The following PCDHGA1 variants were observed in gnomAD, a reference collection of about 807,000 sequenced individuals.
The protein encoded by PCDHGA1 is protocadherin gamma-A1.
PCDHGA1 carries 32 observed loss-of-function variants against 58.0 expected under a neutral mutation model. The ratio of observed to expected loss-of-function variants is 0.55; its 90% CI spans 0.42 to 0.74. PCDHGA1 has a LOEUF of 0.74. Ranked by LOEUF, PCDHGA1 falls within the 30% of genes least tolerant of loss-of-function variation. The pLI is 0.00. For synonymous variants in PCDHGA1, 498 were observed against 501.1 expected (o/e 0.99, Z 0.08); for missense variants, 1,205 against 1,182.3 (o/e 1.02, Z -0.28).
chr5:141,385,126 A>G lies in PCDHGA1; in HGVS notation c.2421+52021A>G. The G allele has an allele frequency of 6.2e-7, 1 of 1,614,206 alleles. No individual in the cohort carries two copies. The highest frequency in any genetic ancestry group is 1.1e-5 in the South Asian group (1 of 91,090). On this transcript the variant is annotated intron_variant, in intron 1 of 3. Coordinates refer to ENST00000517417, the MANE Select transcript of PCDHGA1 (RefSeq NM_018912.3). Reference sequence around the variant, plus strand: ...CGTGCCCACCTCGCACTTTGTGGGCATGGACGGGGTGCAGGCTTTCCTGCA... The same window carrying G: ...CGTGCCCACCTCGCACTTTGTGGGCGTGGACGGGGTGCAGGCTTTCCTGCA...
chr5:141,444,325 C>G (rs2098432231), intron 1 of PCDHGA1, among the ~76,000 whole-genome samples: 1 of 151,840 alleles, frequency 6.6e-6, no homozygotes, highest in Non-Finnish European at 1.5e-5. Flanking sequence ...GCATGTGCCA[C>G]CACGCCCAGC....
In PCDHGA1 at chr5:141,409,971, A is replaced by G. The variant is rs758876775; in HGVS notation, c.2421+76866A>G. On this transcript the variant is annotated intron_variant, in intron 1 of 3. Coordinates refer to ENST00000517417, the MANE Select transcript of PCDHGA1 (RefSeq NM_018912.3). ...GCAGAGCCCGGCTACCTAGTGACTAAGGTGGTAGCGGTGGACGCCGACTCG... is the reference window on the plus strand; with the variant it reads ...GCAGAGCCCGGCTACCTAGTGACTAGGGTGGTAGCGGTGGACGCCGACTCG... 2.9e-5 allele frequency: 47 copies of G among 1,613,202 alleles called. No homozygotes were observed. The highest frequency in any genetic ancestry group is 3.8e-5 in the Non-Finnish European group (45 of 1,179,806).
chr5:141,503,164 C>G (rs1262310388), intron 2 of PCDHGA1, among the ~76,000 whole-genome samples: 2 of 152,068 alleles, frequency 1.3e-5, no homozygotes, highest in East Asian at 3.9e-4. Flanking sequence ...ATCACAATTG[C>G]AATTACTCTA....
intron 1 of PCDHGA1, among the ~76,000 whole-genome samples, chr5:141,461,917 G>A (rs527287831): frequency 6.6e-6 from 1 of 152,098 alleles, no homozygotes; most frequent in South Asian, 2.1e-4. Flanking sequence ...TCTGCCTCCT[G>A]GGTTCCAGCA....
chr5:141,355,488 C>G (rs1340330699), intron 1 of PCDHGA1: 1 of 1,614,004 alleles, frequency 6.2e-7, no homozygotes, highest in Non-Finnish European at 8.5e-7. Context: ...AGGAGCTCTG[C>G]GACAGATCTC....
chr5:141,419,564 C>A (rs2096400387), intron 1 of PCDHGA1: 5 of 1,611,832 alleles, frequency 3.1e-6, no homozygotes, highest in Non-Finnish European at 4.2e-6. Context: ...TGCGCTGGGT[C>A]CCGACGGCTC....
intron 1 of PCDHGA1, chr5:141,433,042 G>A (rs752612411): frequency 6.2e-6 from 10 of 1,614,142 alleles, no homozygotes; most frequent in Non-Finnish European, 7.6e-6. Flanking sequence ...CCCTCACCAC[G>A]GACTCGCGGA....
chr5:141,354,299 G>A (rs1393104062), intron 1 of PCDHGA1, among the ~76,000 whole-genome samples: 1 of 152,084 alleles, frequency 6.6e-6, no homozygotes, highest in African/African-American at 2.4e-5. Flanking sequence ...AACATTGAAA[G>A]GTTTCATAAA....
chr5:141,427,705 C>T (rs2097059995), intron 1 of PCDHGA1: 1 of 983,052 alleles, frequency 1.0e-6, no homozygotes, highest in African/African-American at 1.6e-5. Flanking sequence ...CAAGTCAGCG[C>T]CTCTGACCTG....
chr5:141,421,216 T>G, intron 1 of PCDHGA1: 1 of 1,567,154 alleles, frequency 6.4e-7, no homozygotes, highest in Non-Finnish European at 8.6e-7. Flanking sequence ...GAATATCGGC[T>G]TAGAGCCTGC....
At chr5:141,421,880 G>C in intron 1 of PCDHGA1, 1 of 1,613,718 alleles carries the variant, frequency 6.2e-7, no homozygotes, top group Admixed American at 1.7e-5. Flanking sequence ...GCTTTAGATG[G>C]AGGCGATCCC....
At position 141,485,562 on chromosome 5, in the gene PCDHGA1, C is replaced by T. The variant is rs779890454; in HGVS notation, c.2422-9245C>T. 2.5e-6 allele frequency: 4 copies of T among 1,612,910 alleles called. No homozygotes were observed. Among genetic ancestry groups the T allele is most frequent in the Admixed American group, 1.7e-5 (1 of 59,996 alleles). On this transcript the variant is annotated intron_variant, in intron 1 of 3. Transcript: ENST00000517417. The surrounding 1 kb of genome is among the most constrained non-coding windows in gnomAD (Gnocchi z 5.7). ...GAGATCGTAGATGTGAATGATCACG[C>T]CCCCCGTTTTCCGCGGCAGCAGCTG... is the stretch of plus-strand genomic sequence containing the variant.
At chr5:141,381,823 C>CTTTT (rs1777506241) in intron 1 of PCDHGA1, among the ~76,000 whole-genome samples, 2 of 101,602 alleles carry the variant, frequency 2.0e-5, no homozygotes, top group Non-Finnish European at 3.9e-5. Context: ...TTTCTTTCTT[C>CTTTT]TTCTTTTTTT....
intron 1 of PCDHGA1, chr5:141,366,095 A>T: frequency 1.2e-6 from 2 of 1,614,228 alleles, no homozygotes; most frequent in African/African-American, 1.3e-5. Context: ...CTACCTGGTG[A>T]CCAAGGTGGT....
intron 1 of PCDHGA1, chr5:141,427,221 T>C (rs1312743800): frequency 2.2e-6 from 1 of 456,628 alleles, no homozygotes; most frequent in Non-Finnish European, 4.4e-6. Context: ...TCGTAGCAGT[T>C]ATACCATGAG....
intron 1 of PCDHGA1, among the ~76,000 whole-genome samples, chr5:141,369,150 T>C (rs1766058154): frequency 6.6e-6 from 1 of 152,222 alleles, no homozygotes; most frequent in Non-Finnish European, 1.5e-5. Flanking sequence ...TGGCATGTTA[T>C]TGACCAGGGA....
intron 1 of PCDHGA1, chr5:141,339,538 CAA>C: frequency 6.2e-7 from 1 of 1,614,174 alleles, no homozygotes; most frequent in Middle Eastern, 1.6e-4. Context: ...CTGATGGGAA[CAA>C]GTACCCAGAA....
chr5:141,375,703 G>C (rs776426026), intron 1 of PCDHGA1: 6 of 1,614,144 alleles, frequency 3.7e-6, no homozygotes, highest in Non-Finnish European at 5.1e-6. Context: ...GCGGGGACCC[G>C]CCTCTTAGCA....
intron 1 of PCDHGA1, among the ~76,000 whole-genome samples, chr5:141,474,116 A>G (rs2099342954): frequency 1.3e-5 from 2 of 152,234 alleles, no homozygotes; most frequent in African/African-American, 4.8e-5. Flanking sequence ...AACAACAACG[A>G]AAATCTCAGA....
Sources: allele counts gnomAD v4.1 joint callset (sites outside exome capture counted in the v4.1 genomes callset), GRCh38; gene constraint gnomAD v4.1.1; non-coding constraint Gnocchi (gnomAD v3.1); transcripts MANE v1.5; gene names NCBI Gene and HGNC (gene_info 2026-07-23, HGNC 2026-07-21).